RBM28: variants seen among roughly 807,000 people sequenced by gnomAD.
RBM28 encodes RNA binding motif protein 28.
Under a neutral mutation model 98.3 loss-of-function variants are expected in RBM28, and 78 were observed. That is an observed-to-expected ratio of 0.79 (90% CI 0.66 to 0.96). The LOEUF (loss-of-function observed/expected upper bound fraction) is 0.96, where lower values mean the gene tolerates loss of function less well. RBM28 is among the 40% of genes least tolerant of loss of function. The pLI is 0.00. For missense variants in RBM28, 838 were observed against 913.0 expected, an observed-to-expected ratio of 0.92 and a Z score of 1.06; for synonymous variants, 306 against 330.9, an observed-to-expected ratio of 0.92 and a Z score of 0.82.
chr7:128,318,210 C>T, intron 14 of RBM28, 104 bp from the exon 15 acceptor site: 1 of 1,169,436 alleles, frequency 8.6e-7, no homozygotes, highest in South Asian at 1.3e-5. Flanking sequence ...ATTGGGTGGG[C>T]ATGGTGGTTC....
rs531761397 is a variant in RBM28 at position 128,321,125 on chromosome 7, C to T, written c.1563+141G>A. 18 of 1,160,530 alleles carry T rather than the reference C, an allele frequency of 1.6e-5. No homozygotes were observed. In the African/African-American group the frequency reaches 1.8e-4, roughly 12 times the overall value. 71.9% of individuals were successfully genotyped at this position (1,160,530 alleles called of 1,614,324 possible). A position where few individuals can be genotyped will look rare whatever the true frequency, so the allele number is the denominator to read the frequency against. ...AGGTTGCAGTGAGTCAAGATTGCAC[C>T]GCTGCACTACAGCCTGGGCAACAGA... On this transcript the variant is annotated intron_variant, in intron 14 of 18. Coordinates refer to ENST00000223073, the MANE Select transcript of RBM28 (RefSeq NM_018077.3).
At chr7:128,334,555 T>G (rs1359643862) in intron 8 of RBM28, among the ~76,000 whole-genome samples, 1 of 152,188 alleles carries the variant, frequency 6.6e-6, no homozygotes, top group Non-Finnish European at 1.5e-5. Flanking sequence ...TAAAAACAGC[T>G]GAAATAAAAA....
At chr7:128,327,342 G>A (rs1479109286) in intron 10 of RBM28, among the ~76,000 whole-genome samples, 1 of 152,056 alleles carries the variant, frequency 6.6e-6, no homozygotes, top group African/African-American at 2.4e-5. Flanking sequence ...GCTTCTCAGA[G>A]TAAAAGTCTC....
At position 128,321,344 on chromosome 7, in the gene RBM28, TG is replaced by T. The variant is rs1025989905; in HGVS notation, c.1484del (p.Pro495GlnfsTer4). Reference protein sequence around the residue: ...SRTRLCLHNLPKAVDDKQLRK... With the variant: ...SRTRLCLHNLXKAVDDKQLRK... ...TGAGCTGTTTGTCATCTACAGCCTT[TG>T]GGAGATTGTGCAGGCAGAGCCTGGT... On this transcript the variant is annotated frameshift_variant, in exon 14 of 19. Transcript: ENST00000223073. LOFTEE classifies it high-confidence loss of function. 3 of 1,614,204 alleles carry T rather than the reference TG, an allele frequency of 1.9e-6. No individual in the cohort carries two copies. In the African/African-American group the frequency reaches 4.0e-5, roughly 22 times the overall value.
rs1040993750 is a variant in RBM28 at position 128,309,085 on chromosome 7, T to C, written c.*1712A>G. 6.6e-6 allele frequency: 1 copy of C among 151,924 alleles called. No homozygotes were observed. 9.4% of individuals were successfully genotyped at this position (151,924 alleles called of 1,614,324 possible). A position where few individuals can be genotyped will look rare whatever the true frequency, so the allele number is the denominator to read the frequency against. ...AAGCAATCAAGAATTTTGGGCCACG[T>C]TCTCAACTTTTTCTCTTGCCTACTG... On this transcript the variant is annotated 3_prime_UTR_variant, in exon 19 of 19. Coordinates refer to ENST00000223073, the MANE Select transcript of RBM28 (RefSeq NM_018077.3).
At chr7:128,330,629 C>A (rs1314139898) in intron 10 of RBM28, among the ~76,000 whole-genome samples, 190 bp downstream of exon 10, 2 of 152,120 alleles carry the variant, frequency 1.3e-5, no homozygotes, top group Non-Finnish European at 2.9e-5. Flanking sequence ...GCCTCAGCCT[C>A]CCAAAGTGCT....
rs1177782209 is a variant in RBM28, at chr7:128,299,054, G to A, written c.*11743C>T. 6.6e-6 allele frequency: 1 copy of A among 151,438 alleles called. No individual in the cohort carries two copies. Among genetic ancestry groups the A allele is most frequent in the East Asian group, 1.9e-4 (1 of 5,176 alleles). The allele number at this position is 151,438 out of a possible 1,614,324, so 9.4% of individuals were successfully genotyped here. ...ATGTACCCATATTTGTTTTCATCAG[G>A]TATGGTAAGATGACAGACACAGAGA... On this transcript the variant is annotated 3_prime_UTR_variant, in exon 19 of 19. Coordinates refer to ENST00000223073, the MANE Select transcript of RBM28 (RefSeq NM_018077.3).
intron 9 of RBM28, among the ~76,000 whole-genome samples, chr7:128,332,924 T>A (rs546617624): frequency 6.6e-6 from 1 of 152,230 alleles, no homozygotes; most frequent in Non-Finnish European, 1.5e-5. Context: ...CATCAGAAGA[T>A]AAGTTAGGCA....
At chr7:128,333,444 G>A (rs1796528908) in intron 8 of RBM28, 82 bp from the exon 9 acceptor site, 2 of 1,201,580 alleles carry the variant, frequency 1.7e-6, no homozygotes, top group Admixed American at 1.9e-5. Context: ...AGTACATAAA[G>A]ATAAGCCTGG....
At chr7:128,340,136 T>C (rs1584665745) in intron 1 of RBM28, among the ~76,000 whole-genome samples, 1 of 152,030 alleles carries the variant, frequency 6.6e-6, no homozygotes, top group East Asian at 1.9e-4. Context: ...GAACAAAACA[T>C]CACCAAAGAA....
Position 128,339,696 on chromosome 7 carries a change from T to G in RBM28, c.214A>C (p.Lys72Gln). Reference protein sequence around the residue: ...LKEITTFEGCKINVTVAKKKL... With the variant: ...LKEITTFEGCQINVTVAKKKL... The stretch of plus-strand genomic sequence containing the variant: ...TTCTTGGCAACAGTCACGTTGATCT[T>G]GCAACCTTCAAAGGTGGTAATCTCC... Residue 72 changes from lysine (K) to glutamine (Q), a missense_variant, in exon 2 of 19, where the codon AAG (lysine) becomes CAG (glutamine). Physicochemically the swap from Lys to Gln is moderately conservative, Grantham distance 53 (BLOSUM62 1). Transcript: ENST00000223073. 6.2e-7 allele frequency: 1 copy of G among 1,614,124 alleles called. No individual in the cohort carries two copies. The highest frequency in any genetic ancestry group is 8.5e-7 in the Non-Finnish European group (1 of 1,179,974).
In RBM28 at chr7:128,301,508, T is replaced by TG. The variant is rs1387295152; in HGVS notation, c.*9288dup. ...CTCTCCGCTTCTTGCCCTCAGGACT[T>TG]GGAGTCTCTTGGAAGGAGCCTCAGC... On this transcript the variant is annotated 3_prime_UTR_variant, in exon 19 of 19. Transcript: ENST00000223073. 2.0e-5 allele frequency: 3 copies of TG among 152,598 alleles called. No individual in the cohort carries two copies. The highest frequency in any genetic ancestry group is 1.9e-4 in the East Asian group (1 of 5,184). The allele number at this position is 152,598 out of a possible 1,614,324, so 9.5% of individuals were successfully genotyped here. A position where few individuals can be genotyped will look rare whatever the true frequency, so the allele number is the denominator to read the frequency against.
At position 128,318,002 on chromosome 7, in the gene RBM28, G is replaced by C; in HGVS notation, c.1668C>G (p.Ala556=). ...EFQEHEHALK[A]LRLINNNPEI... is the part of the protein sequence containing the mutation. ...CTGGATTGTTGTTGATGAGGCGGAG[G>C]GCTTTCAGGGCATGCTCGTGCTCTT... The change falls in exon 15 of 19, where the codon GCC becomes GCG. Residue 556 remains alanine (A), a synonymous_variant. Coordinates refer to ENST00000223073, the MANE Select transcript of RBM28 (RefSeq NM_018077.3). 1 of 1,614,200 alleles carries C rather than the reference G, an allele frequency of 6.2e-7. No individual in the cohort carries two copies. Among genetic ancestry groups the C allele is most frequent in the Non-Finnish European group, 8.5e-7 (1 of 1,180,036 alleles).
intron 17 of RBM28, among the ~76,000 whole-genome samples, chr7:128,313,662 C>T (rs556992282): frequency 2.0e-5 from 3 of 152,286 alleles, no homozygotes; most frequent in African/African-American, 4.8e-5. Context: ...TCAAATCTCA[C>T]GTTGAATTGT....
At position 128,303,501 on chromosome 7, in the gene RBM28, C is replaced by G. The variant is rs761969205; in HGVS notation, c.*7296G>C. On this transcript the variant is annotated 3_prime_UTR_variant, in exon 19 of 19. Coordinates refer to ENST00000223073, the MANE Select transcript of RBM28 (RefSeq NM_018077.3). ...CTCCTGGAAAGGGGCAATGCCCCAG[C>G]CCAGCACACAACCAGGGCCTCATGA... The G allele has an allele frequency of 1.5e-4, 23 of 152,376 alleles. No individual in the cohort carries two copies. The highest frequency in any genetic ancestry group is 1.0e-4 in the Non-Finnish European group (7 of 68,092). 9.4% of individuals were successfully genotyped at this position (152,376 alleles called of 1,614,324 possible). A position where few individuals can be genotyped will look rare whatever the true frequency, so the allele number is the denominator to read the frequency against.
rs75089575 is a variant in RBM28, at chr7:128,334,383, C to T, written c.947-1021G>A. On this transcript the variant is annotated intron_variant, in intron 8 of 18. Transcript: ENST00000223073. ...TAGGTGAAAGAATGGCATGAGACAG[C>T]TGACTGTGGGTTGTAGAATACAGGA... is the stretch of plus-strand genomic sequence containing the variant. Among the ~76,000 whole-genome samples the T allele has an allele frequency of 4.3e-3, 657 of 152,292 alleles. 6 individuals are homozygous for T. The highest frequency in any genetic ancestry group is 0.015 in the African/African-American group (621 of 41,554).
intron 13 of RBM28, among the ~76,000 whole-genome samples, chr7:128,322,922 T>G (rs1308987845): frequency 3.3e-5 from 5 of 152,206 alleles, no homozygotes; most frequent in African/African-American, 1.2e-4. Context: ...TTCACAGTTA[T>G]GCATCTTTAC....
Position 128,336,045 on chromosome 7 carries a change from A to G in RBM28, c.614-3T>C. 1 of 1,605,452 alleles carries G rather than the reference A, an allele frequency of 6.2e-7. No homozygotes were observed. Among genetic ancestry groups the G allele is most frequent in the Non-Finnish European group, 8.5e-7 (1 of 1,175,386 alleles). On this transcript the variant is annotated splice_polypyrimidine_tract_variant and splice_region_variant and intron_variant, in intron 6 of 18. Transcript: ENST00000223073. The stretch of plus-strand genomic sequence containing the variant: ...AGATTCATGGCTCTTTTCCTCACCT[A>G]TGGAGGGAGGTAAAGAAAGGAGGAA...
intron 14 of RBM28, among the ~76,000 whole-genome samples, chr7:128,320,482 G>T (rs1192906142): frequency 6.6e-6 from 1 of 151,948 alleles, no homozygotes; most frequent in Non-Finnish European, 1.5e-5. Flanking sequence ...AGGCAGAAAA[G>T]TTCTGTACTC....
Sources: allele counts gnomAD v4.1 joint callset (sites outside exome capture counted in the v4.1 genomes callset), GRCh38; gene constraint gnomAD v4.1.1; transcripts MANE v1.5; gene names NCBI Gene and HGNC (gene_info 2026-07-23, HGNC 2026-07-21).